The following RASGEF1C variants were observed in gnomAD, a reference collection of about 807,000 sequenced individuals.
RASGEF1C encodes RasGEF domain family member 1C.
In RASGEF1C, 27 loss-of-function variants were observed where a neutral mutation model predicts 58.1. The observed-to-expected ratio is 0.46, with a 90% CI of 0.34 to 0.64. RASGEF1C has a LOEUF of 0.64. Ranked by LOEUF, RASGEF1C falls within the 30% of genes least tolerant of loss-of-function variation. The probability of loss-of-function intolerance (pLI) is 0.01; values close to 1 mark genes in which losing one functional copy is unlikely to be tolerated. For missense variants in RASGEF1C, 502 were observed against 605.1 expected, an observed-to-expected ratio of 0.83 and a Z score of 1.79; for synonymous variants, 243 against 246.3, an observed-to-expected ratio of 0.99 and a Z score of 0.13.
chr5:180,154,416 A>C (rs1414362264), intron 1 of RASGEF1C, among the ~76,000 whole-genome samples: 1 of 152,092 alleles, frequency 6.6e-6, no homozygotes. Flanking sequence ...ACACTCTATC[A>C]TTCTTCAGTG....
chr5:180,159,242 C>G (rs911547259), intron 1 of RASGEF1C, among the ~76,000 whole-genome samples: 1 of 151,728 alleles, frequency 6.6e-6, no homozygotes, highest in South Asian at 2.1e-4. Flanking sequence ...CAGGTTCAAG[C>G]GATTCTCCTG....
intron 4 of RASGEF1C, among the ~76,000 whole-genome samples, chr5:180,135,881 C>G (rs1766463506): frequency 6.6e-6 from 1 of 152,258 alleles, no homozygotes; most frequent in Admixed American, 6.5e-5. Context: ...TCAGGAAAAT[C>G]TGTTTGGACA....
At chr5:180,136,541 C>T in intron 3 of RASGEF1C, 26 bp from the exon 4 acceptor site, 1 of 1,559,410 alleles carries the variant, frequency 6.4e-7, no homozygotes, top group South Asian at 1.2e-5. Context: ...GGGCACCGCG[C>T]TCGTGAGGGG....
At chr5:180,148,762 A>G (rs1393445099) in intron 1 of RASGEF1C, among the ~76,000 whole-genome samples, 1 of 152,218 alleles carries the variant, frequency 6.6e-6, no homozygotes, top group Admixed American at 6.5e-5. Context: ...ATCAGTTATC[A>G]TAATACCAGC....
chr5:180,178,533 G>A (rs1440877715), intron 1 of RASGEF1C, among the ~76,000 whole-genome samples: 1 of 152,020 alleles, frequency 6.6e-6, no homozygotes, highest in Non-Finnish European at 1.5e-5. Flanking sequence ...GCCCGCCTCA[G>A]CCCCCCAAAG....
chr5:180,115,758 C>A (rs1766054643), intron 10 of RASGEF1C, among the ~76,000 whole-genome samples: 2 of 152,164 alleles, frequency 1.3e-5, no homozygotes, highest in South Asian at 4.1e-4. Context: ...AGGTTAAATA[C>A]CTTGCATAAG....
At chr5:180,154,208 G>A (rs1346501626) in intron 1 of RASGEF1C, among the ~76,000 whole-genome samples, 1 of 152,048 alleles carries the variant, frequency 6.6e-6, no homozygotes, top group Non-Finnish European at 1.5e-5. Flanking sequence ...GCTGGCCCCG[G>A]GCACTGTTGC....
chr5:180,115,181 G>A, intron 10 of RASGEF1C: 1 of 340,826 alleles, frequency 2.9e-6, no homozygotes, highest in Non-Finnish European at 5.9e-6. Flanking sequence ...CGCCCGGCTA[G>A]TTTTTGTATT....
intron 4 of RASGEF1C, among the ~76,000 whole-genome samples, chr5:180,132,973 A>G (rs917130129): frequency 6.6e-6 from 1 of 150,570 alleles, no homozygotes; most frequent in Non-Finnish European, 1.5e-5. Context: ...GTCTCAGAAA[A>G]AAAAAAAAAA....
At chr5:180,159,525 C>T (rs1363053710) in intron 1 of RASGEF1C, among the ~76,000 whole-genome samples, 1 of 152,242 alleles carries the variant, frequency 6.6e-6, no homozygotes, top group African/African-American at 2.4e-5. Flanking sequence ...TTGCCCTGCT[C>T]TCCGTCTGCC....
intron 1 of RASGEF1C, among the ~76,000 whole-genome samples, chr5:180,149,476 C>CA (rs1766712481): frequency 6.6e-6 from 1 of 151,978 alleles, no homozygotes; most frequent in East Asian, 1.9e-4. Flanking sequence ...TTTTTTGAGA[C>CA]AGAGTCTAGC....
intron 1 of RASGEF1C, among the ~76,000 whole-genome samples, chr5:180,174,283 G>A (rs896126483): frequency 4.6e-5 from 7 of 152,182 alleles, no homozygotes; most frequent in South Asian, 4.1e-4. Context: ...TGGGAAGAAC[G>A]AGGGAAGATG....
intron 1 of RASGEF1C, among the ~76,000 whole-genome samples, chr5:180,199,644 G>A (rs1219772122): frequency 6.6e-6 from 1 of 151,934 alleles, no homozygotes; most frequent in Non-Finnish European, 1.5e-5. Context: ...ATAAACCAAG[G>A]TGACCTCTGC....
intron 3 of RASGEF1C, 117 bp from the exon 4 acceptor site, chr5:180,136,632 G>A: frequency 8.4e-7 from 1 of 1,190,944 alleles, no homozygotes; most frequent in Non-Finnish European, 1.2e-6. Context: ...TGCCCTCTCT[G>A]TGCCAGGGAG....
intron 1 of RASGEF1C, among the ~76,000 whole-genome samples, chr5:180,195,618 T>A (rs4700915): frequency 1.3e-5 from 2 of 151,318 alleles, no homozygotes; most frequent in African/African-American, 2.4e-5. Context: ...AAAAATTAGC[T>A]GGGCGCGGTG....
intron 1 of RASGEF1C, among the ~76,000 whole-genome samples, chr5:180,150,767 A>G (rs1581108755): frequency 6.6e-6 from 1 of 152,186 alleles, no homozygotes; most frequent in African/African-American, 2.4e-5. Context: ...GAAAAAAGGA[A>G]GTCAAATTGT....
intron 12 of RASGEF1C, among the ~76,000 whole-genome samples, chr5:180,105,782 C>T (rs1373755695): frequency 4.0e-5 from 6 of 151,242 alleles, no homozygotes; most frequent in East Asian, 2.0e-4. Flanking sequence ...GGAGGAGAAT[C>T]GCTTGAACCT....
intron 1 of RASGEF1C, among the ~76,000 whole-genome samples, chr5:180,163,231 C>CTTTTTTTTTTTTTTTTTTT (rs1220517606): frequency 5.1e-5 from 1 of 19,458 alleles, no homozygotes; most frequent in African/African-American, 1.3e-4. Context: ...CACCCCCTCA[C>CTTTTTTTTTTTTTTTTTTT]TTTTTTTTTT....
At chr5:180,176,744 GAT>G (rs1181177928) in intron 1 of RASGEF1C, among the ~76,000 whole-genome samples, 9 of 152,058 alleles carry the variant, frequency 5.9e-5, no homozygotes, top group South Asian at 2.1e-4. Flanking sequence ...TTTTAGTAGA[GAT>G]GGGGTTTCAC....
Sources: allele counts gnomAD v4.1 joint callset (sites outside exome capture counted in the v4.1 genomes callset), GRCh38; gene constraint gnomAD v4.1.1; transcripts MANE v1.5; gene names NCBI Gene and HGNC (gene_info 2026-07-23, HGNC 2026-07-21).